PPIP5K2: variants seen among roughly 807,000 people sequenced by gnomAD.
PPIP5K2 encodes the protein inositol hexakisphosphate and diphosphoinositol-pentakisphosphate kinase 2.
In PPIP5K2, 105 loss-of-function variants were observed where a neutral mutation model predicts 154.6. The ratio of observed to expected loss-of-function variants is 0.68; its 90% CI spans 0.58 to 0.80. The LOEUF (loss-of-function observed/expected upper bound fraction) is 0.80, where lower values mean the gene tolerates loss of function less well. Ranked by LOEUF, PPIP5K2 falls within the 30% of genes least tolerant of loss-of-function variation. The pLI is 0.00. For missense variants in PPIP5K2, 992 were observed against 1,504.6 expected (o/e 0.66, Z 5.64); for synonymous variants, 480 against 490.3 (o/e 0.98, Z 0.28).
In PPIP5K2 at chr5:103,183,214, GC is replaced by G; in HGVS notation, c.2923-15del. The G allele has an allele frequency of 1.7e-5, 4 of 233,878 alleles. No individual in the cohort carries two copies. Among genetic ancestry groups the G allele is most frequent in the East Asian group, 7.1e-5 (1 of 14,114 alleles). 14.5% of individuals were successfully genotyped at this position (233,878 alleles called of 1,614,324 possible). A position where few individuals can be genotyped will look rare whatever the true frequency, so the allele number is the denominator to read the frequency against. ...TTTTTTTTTTTTTTTTTTTTTTTTT[GC>G]CCCCTTTCTCACTTCCAGGAAGAGA... On this transcript the variant is annotated intron_variant, in intron 24 of 30. Coordinates refer to ENST00000358359, the MANE Select transcript of PPIP5K2 (RefSeq NM_001276277.3).
At chr5:103,125,200 C>T (rs1011696261) in intron 1 of PPIP5K2, among the ~76,000 whole-genome samples, 3 of 152,138 alleles carry the variant, frequency 2.0e-5, no homozygotes, top group East Asian at 1.9e-4. Flanking sequence ...TAAAATTACC[C>T]GAACTCTACT....
At chr5:103,161,520 T>C (rs1464052598) in intron 17 of PPIP5K2, among the ~76,000 whole-genome samples, 113 of 152,302 alleles carry the variant, frequency 7.4e-4, no homozygotes, top group African/African-American at 2.7e-3. Flanking sequence ...TTCTAGATCC[T>C]TGAGGAATCG....
chr5:103,158,396 A>G, intron 15 of PPIP5K2, 56 bp from the exon 16 acceptor site: 2 of 1,590,076 alleles, frequency 1.3e-6, no homozygotes, highest in Non-Finnish European at 1.7e-6. Context: ...TTAAACATTT[A>G]TAGAAATACA....
intron 5 of PPIP5K2, among the ~76,000 whole-genome samples, chr5:103,143,103 A>G (rs1286121343): frequency 2.0e-5 from 3 of 152,208 alleles, no homozygotes; most frequent in African/African-American, 7.2e-5. Flanking sequence ...ATTGTAATAA[A>G]ATGTTATTTG....
intron 1 of PPIP5K2, among the ~76,000 whole-genome samples, chr5:103,127,254 A>G (rs1332475011): frequency 6.6e-6 from 1 of 152,222 alleles, no homozygotes; most frequent in Non-Finnish European, 1.5e-5. Flanking sequence ...GTACATACCT[A>G]TATATTGCAT....
intron 5 of PPIP5K2, among the ~76,000 whole-genome samples, chr5:103,141,699 C>A (rs1450281940): frequency 1.3e-5 from 2 of 152,120 alleles, no homozygotes; most frequent in African/African-American, 4.8e-5. Context: ...TCGATTGGTG[C>A]ATTCACAAAC....
Position 103,204,567 on chromosome 5 carries a change from C to T in PPIP5K2, c.*2933C>T, listed in dbSNP as rs1307546174. 6.6e-6 allele frequency: 1 copy of T among 152,164 alleles called. No individual in the cohort carries two copies. The highest frequency in any genetic ancestry group is 2.4e-5 in the African/African-American group (1 of 41,428). 9.4% of individuals were successfully genotyped at this position (152,164 alleles called of 1,614,324 possible). ...TCAAGAAATCTTTCTGCTTCAGCCTCCTAAATAGCTGGTACTATAGGTGCG... is the reference window on the plus strand; with the variant it reads ...TCAAGAAATCTTTCTGCTTCAGCCTTCTAAATAGCTGGTACTATAGGTGCG... On this transcript the variant is annotated 3_prime_UTR_variant, in exon 31 of 31. Transcript: ENST00000358359.
intron 28 of PPIP5K2, among the ~76,000 whole-genome samples, chr5:103,190,366 A>G (rs1263405851): frequency 3.3e-5 from 5 of 151,968 alleles, no homozygotes; most frequent in African/African-American, 1.2e-4. Context: ...AGAGAGTATC[A>G]TTGGTCTTGG....
At chr5:103,141,871 T>G (rs1177389921) in intron 5 of PPIP5K2, among the ~76,000 whole-genome samples, 3 of 149,230 alleles carry the variant, frequency 2.0e-5, no homozygotes, top group Non-Finnish European at 3.0e-5. Context: ...TCACAAACCT[T>G]GAGCTAAACA....
chr5:103,122,297 A>G (rs568208630), intron 1 of PPIP5K2, among the ~76,000 whole-genome samples: 1 of 152,358 alleles, frequency 6.6e-6, no homozygotes, highest in Admixed American at 6.5e-5. Context: ...TGCGGAACAT[A>G]GAAGATGGGA....
At chr5:103,135,683 C>T (rs916554477) in intron 3 of PPIP5K2, among the ~76,000 whole-genome samples, 9 of 152,076 alleles carry the variant, frequency 5.9e-5, no homozygotes, top group African/African-American at 1.4e-4. Context: ...CCTCCCAACT[C>T]GGCCTCCCAA....
Position 103,154,980 on chromosome 5 carries a change from C to T in PPIP5K2, c.1403+37C>T, listed in dbSNP as rs782798763. On this transcript the variant is annotated intron_variant, in intron 13 of 30. Coordinates refer to ENST00000358359, the MANE Select transcript of PPIP5K2 (RefSeq NM_001276277.3). Reference sequence around the variant, plus strand: ...TTTGAAACGCTTAATTGTGGTACTACATATAGCTCTTCTTTTTTATGTATG... The same window carrying T: ...TTTGAAACGCTTAATTGTGGTACTATATATAGCTCTTCTTTTTTATGTATG... 5.8e-6 allele frequency: 7 copies of T among 1,202,996 alleles called. No homozygotes were observed. The African/African-American group carries it at 1.1e-4, about 19-fold the overall frequency. 74.5% of individuals were successfully genotyped at this position (1,202,996 alleles called of 1,614,324 possible).
At chr5:103,183,503 C>T (rs1444422769) in intron 25 of PPIP5K2, 96 bp downstream of exon 25, 2 of 1,017,342 alleles carry the variant, frequency 2.0e-6, no homozygotes, top group Non-Finnish European at 2.9e-6. Context: ...TATTTCACAT[C>T]AGAGTAAATC....
rs541207687 is a variant in PPIP5K2 at position 103,122,731 on chromosome 5, C to T, written c.-285+2243C>T. On this transcript the variant is annotated intron_variant, in intron 1 of 30. Coordinates refer to ENST00000358359, the MANE Select transcript of PPIP5K2 (RefSeq NM_001276277.3). ...GGCTAAGCAGCAGGAGCAGGAGCTCCCATTTCCTCTGATTTTGAGAGCAGA... is the reference window on the plus strand; with the variant it reads ...GGCTAAGCAGCAGGAGCAGGAGCTCTCATTTCCTCTGATTTTGAGAGCAGA... Among the ~76,000 whole-genome samples the T allele has an allele frequency of 2.0e-5, 3 of 152,260 alleles. No individual in the cohort carries two copies. In the South Asian group the frequency reaches 6.2e-4, roughly 32 times the overall value.
chr5:103,137,272 C>A (rs1308063826), intron 4 of PPIP5K2, among the ~76,000 whole-genome samples: 2 of 151,530 alleles, frequency 1.3e-5, no homozygotes, highest in East Asian at 3.9e-4. Context: ...CCGCCATTCT[C>A]CTGCCTCAGC....
In PPIP5K2 at chr5:103,168,282, T is replaced by C. The variant is rs1554218608; in HGVS notation, c.2273T>C (p.Ile758Thr). ...LYRLSKALAD[I>T]VIPQEYGITK... ...AGGCTTTCGAAGGCATTAGCAGATA[T>C]TGTTATCCCTCAGGTAAGTCATTCT... The change falls in exon 19 of 31, where the codon ATT (isoleucine) becomes ACT (threonine). Residue 758 changes from isoleucine to threonine, a missense_variant. Ile to Thr is a moderately conservative substitution (Grantham distance 89). Transcript: ENST00000358359. 6.3e-7 allele frequency: 1 copy of C among 1,595,654 alleles called. No individual in the cohort carries two copies. The highest frequency in any genetic ancestry group is 8.6e-7 in the Non-Finnish European group (1 of 1,166,314).
intron 3 of PPIP5K2, 125 bp from the exon 4 acceptor site, chr5:103,136,591 ATATATTCCATACCTTT>A: frequency 1.6e-6 from 1 of 638,106 alleles, no homozygotes; most frequent in Non-Finnish European, 2.8e-6. Context: ...AGGTTTATGT[ATATATTCCATACCTTT>A]TATAGAAGGG....
At chr5:103,121,379 T>A (rs1267740004) in intron 1 of PPIP5K2, among the ~76,000 whole-genome samples, 1 of 152,204 alleles carries the variant, frequency 6.6e-6, no homozygotes, top group Admixed American at 6.5e-5. Flanking sequence ...ATTATCACCA[T>A]TTTACAGAGT....
chr5:103,188,429 A>G (rs2149789446), intron 28 of PPIP5K2, among the ~76,000 whole-genome samples: 1 of 152,316 alleles, frequency 6.6e-6, no homozygotes, highest in Admixed American at 6.5e-5. Flanking sequence ...GGATCCTTTA[A>G]CAACACATCT....
Sources: gnomAD v4.1 joint callset for allele counts (sites outside exome capture counted in the v4.1 genomes callset) on GRCh38, gnomAD v4.1.1 for gene constraint, MANE v1.5 for transcripts, NCBI Gene and HGNC (gene_info 2026-07-23, HGNC 2026-07-21) for gene names.